SSH2: variants seen among roughly 807,000 people sequenced by gnomAD.
The protein encoded by SSH2 is slingshot protein phosphatase 2, also known as protein phosphatase Slingshot homolog 2.
SSH2 carries 37 observed loss-of-function variants against 135.2 expected under a neutral mutation model. That is an observed-to-expected ratio of 0.27 (90% CI 0.21 to 0.36). SSH2 has a LOEUF of 0.36. Among genes scored for constraint, SSH2 ranks in the 10% least tolerant of loss-of-function variants. The probability of loss-of-function intolerance (pLI) is 1.00; values close to 1 mark genes in which losing one functional copy is unlikely to be tolerated. For missense variants in SSH2, 1,408 were observed against 1,765.3 expected (o/e 0.80, Z 3.63); for synonymous variants, 628 against 646.2 (o/e 0.97, Z 0.43).
At position 29,738,550 on chromosome 17, in the gene SSH2, A is replaced by ATTTTCTTTTTTTTTTTTTTTT. The variant is rs1567933036; in HGVS notation, c.189-35489_189-35488insAAAAAAAAAAAAAAAAGAAAA. 1.5e-5 allele frequency among the ~76,000 whole-genome samples: 2 copies of ATTTTCTTTTTTTTTTTTTTTT among 137,372 alleles called. 1 individual carries two copies. The allele number at this position is 137,372 out of a possible 152,430, so 90.1% of individuals were successfully genotyped here. On this transcript the variant is annotated intron_variant, in intron 3 of 15. Coordinates refer to ENST00000540801, the MANE Select transcript of SSH2 (RefSeq NM_001282129.2). ...TTAATTTTCTTTTTTTTTCTTTTTTATTTTATTTTATTTTTTTTTTTGAGA... is the reference window on the plus strand; with the variant it reads ...TTAATTTTCTTTTTTTTTCTTTTTTATTTTCTTTTTTTTTTTTTTTTTTTTATTTTATTTTTTTTTTTGAGA...
At chr17:29,774,010 C>A (rs2041643443) in intron 3 of SSH2, among the ~76,000 whole-genome samples, 1 of 152,152 alleles carries the variant, frequency 6.6e-6, no homozygotes, top group Admixed American at 6.6e-5. Flanking sequence ...TGTCTGTTTC[C>A]TTTAAAATAT....
At chr17:29,896,944 T>C (rs1207728983) in intron 1 of SSH2, among the ~76,000 whole-genome samples, 2 of 151,772 alleles carry the variant, frequency 1.3e-5, no homozygotes, top group African/African-American at 2.4e-5. Context: ...ACAAGAAAGG[T>C]TCCTGACCTC....
rs1274802878 is a variant in SSH2, at chr17:29,737,687, G to T, written c.189-34625C>A. The stretch of plus-strand genomic sequence containing the variant: ...TGATGCTGAAATACAACAACACAGG[G>T]TTATTCCAAGGGTTACTGCAAATAA... On this transcript the variant is annotated intron_variant, in intron 3 of 15. Transcript: ENST00000540801. Among the ~76,000 whole-genome samples the T allele has an allele frequency of 2.0e-5, 3 of 152,192 alleles. No individual in the cohort carries two copies. In the South Asian group the frequency reaches 6.2e-4, roughly 32 times the overall value.
At chr17:29,693,773 A>G (rs969551722) in intron 5 of SSH2, among the ~76,000 whole-genome samples, 4 of 152,228 alleles carry the variant, frequency 2.6e-5, no homozygotes, top group Non-Finnish European at 4.4e-5. Flanking sequence ...TATTCTAATC[A>G]AAGGACTCAT....
intron 1 of SSH2, among the ~76,000 whole-genome samples, chr17:29,865,861 G>A (rs2065844466): frequency 6.6e-6 from 1 of 152,166 alleles, no homozygotes; most frequent in African/African-American, 2.4e-5. Context: ...AGCACTTTGG[G>A]AGGCTGAGGC....
At chr17:29,809,582 A>G (rs907944477) in intron 2 of SSH2, among the ~76,000 whole-genome samples, 15 of 151,856 alleles carry the variant, frequency 9.9e-5, no homozygotes, top group Non-Finnish European at 1.2e-4. Context: ...ATGAGATGAA[A>G]TCTAACTCTG....
In SSH2 at chr17:29,770,102, T is replaced by TTG. The variant is rs1260729561; in HGVS notation, c.188+23791_188+23792insCA. 1.2e-4 allele frequency among the ~76,000 whole-genome samples: 18 copies of TTG among 147,962 alleles called. 1 individual carries two copies. Among genetic ancestry groups the TTG allele is most frequent in the Admixed American group, 2.0e-4 (3 of 14,876 alleles). ...TTTTTGCTATATTTAGTTTTTTTTT[T>TTG]TTTTTTTTTTTTTTTTTAACAGAGT... On this transcript the variant is annotated intron_variant, in intron 3 of 15. Coordinates refer to ENST00000540801, the MANE Select transcript of SSH2 (RefSeq NM_001282129.2).
At chr17:29,795,439 G>A (rs953913232) in intron 2 of SSH2, among the ~76,000 whole-genome samples, 1 of 152,184 alleles carries the variant, frequency 6.6e-6, no homozygotes, top group African/African-American at 2.4e-5. Flanking sequence ...GGTAGAAAGT[G>A]TCATAGTGTA....
intron 1 of SSH2, among the ~76,000 whole-genome samples, chr17:29,914,293 G>T (rs1229990314): frequency 3.3e-5 from 5 of 152,050 alleles, no homozygotes; most frequent in Non-Finnish European, 7.4e-5. Flanking sequence ...AGGTGTGGTG[G>T]CTCACACCTG....
intron 8 of SSH2, chr17:29,674,305 C>A: frequency 2.6e-6 from 1 of 387,878 alleles, no homozygotes; most frequent in South Asian, 1.9e-5. Flanking sequence ...TCAAAGTAAG[C>A]CAAAGTCTCA....
At chr17:29,668,120 T>A (rs1246778554) in intron 9 of SSH2, among the ~76,000 whole-genome samples, 1 of 152,206 alleles carries the variant, frequency 6.6e-6, no homozygotes, top group Non-Finnish European at 1.5e-5. Context: ...TGCACCTCCT[T>A]ATTTGGAGAT....
At chr17:29,705,315 C>A (rs2039153725) in intron 3 of SSH2, among the ~76,000 whole-genome samples, 1 of 152,136 alleles carries the variant, frequency 6.6e-6, no homozygotes, top group South Asian at 2.1e-4. Flanking sequence ...TTCAAACATA[C>A]ACAAAAGTAG....
intron 3 of SSH2, among the ~76,000 whole-genome samples, chr17:29,759,121 C>T (rs1466663500): frequency 3.9e-5 from 6 of 152,106 alleles, no homozygotes; most frequent in African/African-American, 1.4e-4. Context: ...ATGATCACAG[C>T]TTACTGTAGC....
intron 1 of SSH2, among the ~76,000 whole-genome samples, chr17:29,901,221 AT>A (rs2066546941): frequency 6.6e-6 from 1 of 152,166 alleles, no homozygotes; most frequent in South Asian, 2.1e-4. Context: ...TGGCATATGT[AT>A]ACATATGTAA....
At chr17:29,808,681 G>A (rs988838148) in intron 2 of SSH2, among the ~76,000 whole-genome samples, 2 of 151,944 alleles carry the variant, frequency 1.3e-5, no homozygotes, top group Non-Finnish European at 2.9e-5. Flanking sequence ...TTTCATTTTG[G>A]TCAACTGGGG....
chr17:29,716,116 T>G lies in SSH2; in HGVS notation c.189-13054A>C, dbSNP rs76213701. Among the ~76,000 whole-genome samples, 692 of 152,254 alleles carry G rather than the reference T, an allele frequency of 4.5e-3. 8 individuals carry two copies. The highest frequency in any genetic ancestry group is 0.016 in the African/African-American group (655 of 41,538). ...AGAATGATGTGACCTATGTCCTTGG[T>G]CCCACTCCCTCATCTCCTAGTTTTC... On this transcript the variant is annotated intron_variant, in intron 3 of 15. Transcript: ENST00000540801.
Position 29,650,536 on chromosome 17 carries a change from T to G in SSH2, c.1226+118A>C, listed in dbSNP as rs528536962. ...TTAAAAAGATTTCAGTCTCCTCCTT[T>G]CCTTAGTTCCTTTTTCCTGAGTACC... is the stretch of plus-strand genomic sequence containing the variant. On this transcript the variant is annotated intron_variant, in intron 13 of 15. Transcript: ENST00000540801. The G allele has an allele frequency of 3.1e-6, 3 of 970,726 alleles. No individual in the cohort carries two copies. In the South Asian group the frequency reaches 6.9e-5, roughly 22 times the overall value. The allele number at this position is 970,726 out of a possible 1,614,324, so 60.1% of individuals were successfully genotyped here. A position where few individuals can be genotyped will look rare whatever the true frequency, so the allele number is the denominator to read the frequency against.
intron 3 of SSH2, chr17:29,716,558 C>A (rs551291644): frequency 4.9e-5 from 35 of 719,790 alleles, no homozygotes; most frequent in South Asian, 4.6e-4. Context: ...AGTACCCATT[C>A]CCTTGATGTC....
At chr17:29,674,557 G>A (rs1043211032) in intron 8 of SSH2, among the ~76,000 whole-genome samples, 6 of 152,066 alleles carry the variant, frequency 3.9e-5, no homozygotes, top group African/African-American at 1.4e-4. Flanking sequence ...GAAACACCTG[G>A]TCTAAATGTT....
Sources: gnomAD v4.1 joint callset for allele counts (sites outside exome capture counted in the v4.1 genomes callset) on GRCh38, gnomAD v4.1.1 for gene constraint, MANE v1.5 for transcripts, NCBI Gene and HGNC (gene_info 2026-07-23, HGNC 2026-07-21) for gene names.